PHRF1: variants seen among roughly 807,000 people sequenced by gnomAD.
PHRF1 encodes PHD and RING finger domain-containing protein 1.
In PHRF1, 53 loss-of-function variants were observed where a neutral mutation model predicts 128.9. The observed-to-expected ratio is 0.41, with a 90% CI of 0.33 to 0.52. The LOEUF (loss-of-function observed/expected upper bound fraction) is 0.52, where lower values mean the gene tolerates loss of function less well. Among genes scored for constraint, PHRF1 ranks in the 20% least tolerant of loss-of-function variants. The pLI is 0.21. For missense variants in PHRF1, 2,503 were observed against 2,284.5 expected, an observed-to-expected ratio of 1.10 and a Z score of -1.95; for synonymous variants, 1,178 against 980.6, an observed-to-expected ratio of 1.20 and a Z score of -3.76.
In PHRF1 at chr11:609,688, A is replaced by T; in HGVS notation, c.4232A>T (p.Glu1411Val). The T allele has an allele frequency of 6.6e-7, 1 of 1,522,328 alleles. No individual in the cohort carries two copies. The highest frequency in any genetic ancestry group is 8.8e-7 in the Non-Finnish European group (1 of 1,137,882). The allele number at this position is 1,522,328 out of a possible 1,614,324, so 94.3% of individuals were successfully genotyped here. The change falls in exon 14 of 18, where the codon GAG (glutamate) becomes GTG (valine). Residue 1411 changes from glutamate to valine, a missense_variant. Coordinates refer to ENST00000264555, the MANE Select transcript of PHRF1 (RefSeq NM_001286581.2). ...KRVTWNLQES[E>V]SSAPAEDRAP... ...GTCACCTGGAACCTGCAGGAGTCGG[A>T]GAGCAGCGCCCCCGCCGAGGACAGA...
rs1564872819 is a variant in PHRF1 at position 610,290 on chromosome 11, G to GCCCTTT, written c.4363_4368dup (p.Phe1455_Pro1456dup). Reference sequence around the variant, plus strand: ...GGGTCAGGCAGGTGTTCTCCGAGCTGCCCTTTCCCAGTCACGTGCTTCCGG... The same window carrying GCCCTTT: ...GGGTCAGGCAGGTGTTCTCCGAGCTGCCCTTTCCCTTTCCCAGTCACGTGCTTCCGG... On this transcript the variant is annotated inframe_insertion, in exon 15 of 18. Transcript: ENST00000264555. 1.9e-6 allele frequency: 3 copies of GCCCTTT among 1,563,264 alleles called. No individual in the cohort carries two copies. The Admixed American group carries it at 5.6e-5, about 29-fold the overall frequency.
At chr11:592,433 G>C in intron 5 of PHRF1, 126 bp from the exon 6 acceptor site, 1 of 872,002 alleles carries the variant, frequency 1.1e-6, no homozygotes, top group Middle Eastern at 2.2e-4. Flanking sequence ...GAGACCCTCT[G>C]GGCCTGTGGA....
At chr11:579,120 G>A (rs1055878571) in intron 1 of PHRF1, among the ~76,000 whole-genome samples, 2 of 152,174 alleles carry the variant, frequency 1.3e-5, no homozygotes, top group Admixed American at 6.5e-5. Context: ...GATGACAGGC[G>A]TGAGCCACTG....
At chr11:599,787 C>T (rs1368135686) in intron 9 of PHRF1, among the ~76,000 whole-genome samples, 4 of 151,504 alleles carry the variant, frequency 2.6e-5, no homozygotes, top group East Asian at 2.0e-4. Context: ...CCAGAGGACT[C>T]GGCGTCTGTG....
At chr11:587,693 G>C (rs370965075) in intron 4 of PHRF1, among the ~76,000 whole-genome samples, 1 of 152,170 alleles carries the variant, frequency 6.6e-6, no homozygotes, top group East Asian at 1.9e-4. Context: ...AGGGGCAGGA[G>C]AGAGGATGGC....
At position 579,278 on chromosome 11, in the gene PHRF1, C is replaced by T. The variant is rs150409727; in HGVS notation, c.-21-2214C>T. Among the ~76,000 whole-genome samples, 71 of 152,324 alleles carry T rather than the reference C, an allele frequency of 4.7e-4. 2 individuals are homozygous for T. Among genetic ancestry groups the T allele is most frequent in the African/African-American group, 1.7e-3 (69 of 41,568 alleles). ...CCTCCCCCCAGCCCTGCTCTGTTATCTCTTAGGTGGTCTCTTTGAAGTGTT... is the reference window on the plus strand; with the variant it reads ...CCTCCCCCCAGCCCTGCTCTGTTATTTCTTAGGTGGTCTCTTTGAAGTGTT... On this transcript the variant is annotated intron_variant, in intron 1 of 17. Transcript: ENST00000264555.
chr11:610,469 G>C, intron 15 of PHRF1, 32 bp from the exon 16 acceptor site: 1 of 1,585,816 alleles, frequency 6.3e-7, no homozygotes, highest in Admixed American at 1.7e-5. Flanking sequence ...CTAGCTGTAG[G>C]GCCCAGTGCT....
intron 3 of PHRF1, among the ~76,000 whole-genome samples, chr11:586,804 C>T (rs545157879): frequency 1.4e-4 from 22 of 152,148 alleles, no homozygotes; most frequent in African/African-American, 2.9e-4. Flanking sequence ...AAGTCCCTTC[C>T]GCGGGCAGAG....
chr11:611,496 TGCC>T (rs1856399565), intron 17 of PHRF1, 135 bp from the exon 18 acceptor site: 5 of 1,245,018 alleles, frequency 4.0e-6, no homozygotes, highest in Non-Finnish European at 5.5e-6. Context: ...GGGCGGCCTC[TGCC>T]GCCGTCTGTC....
chr11:583,012 C>T (rs1263832967), intron 3 of PHRF1, among the ~76,000 whole-genome samples: 8 of 149,496 alleles, frequency 5.4e-5, no homozygotes, highest in African/African-American at 1.5e-4. Flanking sequence ...CCAGCCTGAG[C>T]GACAGAGCGA....
Position 597,868 on chromosome 11 carries a change from C to T in PHRF1, c.894+298C>T, listed in dbSNP as rs57038704. Among the ~76,000 whole-genome samples, 6,055 of 152,258 alleles carry T rather than the reference C, an allele frequency of 0.04. 410 individuals carry two copies. Among genetic ancestry groups the T allele is most frequent in the African/African-American group, 0.14 (5,665 of 41,524 alleles). ...TGTTCCCCAGGCCCCATGCCAGCAC[C>T]GCTCCCTCTAGGCACCTGTGAGCAC... On this transcript the variant is annotated intron_variant, in intron 8 of 17. Transcript: ENST00000264555. The surrounding 1 kb of genome is among the most constrained non-coding windows in gnomAD (Gnocchi z 6.5).
intron 1 of PHRF1, among the ~76,000 whole-genome samples, chr11:577,079 G>T (rs977076880): frequency 6.6e-6 from 1 of 152,248 alleles, no homozygotes; most frequent in Non-Finnish European, 1.5e-5. Context: ...CGGCCCCTGT[G>T]CATGGTTGCC....
At chr11:584,063 CTG>C (rs1182634857) in intron 3 of PHRF1, among the ~76,000 whole-genome samples, 2 of 152,252 alleles carry the variant, frequency 1.3e-5, no homozygotes, top group East Asian at 3.8e-4. Context: ...CTGTTTGAGA[CTG>C]TTGGTAAGGG....
chr11:579,261 C>T (rs1046900925), intron 1 of PHRF1, among the ~76,000 whole-genome samples: 16 of 151,690 alleles, frequency 1.1e-4, no homozygotes, highest in African/African-American at 3.4e-4. Context: ...CTCCTCCCCC[C>T]AGCCCTGCTC....
Position 587,445 on chromosome 11 carries a change from G to A in PHRF1, c.401G>A (p.Cys134Tyr). 1 of 1,613,406 alleles carries A rather than the reference G, an allele frequency of 6.2e-7. No homozygotes were observed. Among genetic ancestry groups the A allele is most frequent in the Non-Finnish European group, 8.5e-7 (1 of 1,179,884 alleles). ...TGTGCCCATTACTTCTGCCTGGACT[G>A]CATTGTCGAATGGTCCAAGGTGAGT... ...ENCAHYFCLDCIVEWSKNANS... is the reference protein window; with the variant it reads ...ENCAHYFCLDYIVEWSKNANS... The change falls in exon 4 of 18, where the codon TGC becomes TAC. Residue 134 changes from cysteine (C) to tyrosine (Y), a missense_variant. Cys to Tyr is a radical substitution (Grantham distance 194). Transcript: ENST00000264555.
chr11:597,699 C>T lies in PHRF1; in HGVS notation c.894+129C>T, dbSNP rs927125854. The T allele has an allele frequency of 9.4e-6, 12 of 1,271,856 alleles. No individual in the cohort carries two copies. Among genetic ancestry groups the T allele is most frequent in the African/African-American group, 3.0e-5 (2 of 67,554 alleles). 78.8% of individuals were successfully genotyped at this position (1,271,856 alleles called of 1,614,324 possible). A position where few individuals can be genotyped will look rare whatever the true frequency, so the allele number is the denominator to read the frequency against. The stretch of plus-strand genomic sequence containing the variant: ...CCCGGCCCCGGTGGCTCATGTTGTT[C>T]GGCCTGCTGAGGGGAGCAGATGAGT... On this transcript the variant is annotated intron_variant, in intron 8 of 17. Transcript: ENST00000264555. The surrounding 1 kb of genome is among the most constrained non-coding windows in gnomAD (Gnocchi z 6.5).
chr11:588,671 G>A (rs538188750), intron 4 of PHRF1, among the ~76,000 whole-genome samples: 2 of 152,052 alleles, frequency 1.3e-5, no homozygotes, highest in Admixed American at 1.3e-4. Flanking sequence ...GAGCCACCAC[G>A]CCCGGCCATT....
intron 1 of PHRF1, among the ~76,000 whole-genome samples, chr11:578,902 T>C (rs1027377942): frequency 1.3e-5 from 2 of 152,040 alleles, no homozygotes; most frequent in African/African-American, 4.8e-5. Context: ...CCCAGTGGCA[T>C]GTAGTGGCGC....
At chr11:581,212 A>G (rs1243791950) in intron 1 of PHRF1, among the ~76,000 whole-genome samples, 2 of 150,830 alleles carry the variant, frequency 1.3e-5, no homozygotes, top group Admixed American at 6.6e-5. Context: ...AATGTGAATC[A>G]TGTGTAAGGC....
Sources: gnomAD v4.1 joint callset for allele counts (sites outside exome capture counted in the v4.1 genomes callset) on GRCh38, gnomAD v4.1.1 for gene constraint, Gnocchi (gnomAD v3.1) non-coding constraint, MANE v1.5 for transcripts, NCBI Gene and HGNC (gene_info 2026-07-23, HGNC 2026-07-21) for gene names.